ZNF385D: variants seen among roughly 807,000 people sequenced by gnomAD.
ZNF385D encodes zinc finger protein 385D, also known as zinc finger protein 659.
A neutral mutation model predicts 35.8 loss-of-function variants in ZNF385D; 15 were observed. The ratio of observed to expected loss-of-function variants is 0.42; its 90% CI spans 0.28 to 0.64. ZNF385D has a LOEUF of 0.64. ZNF385D is among the 30% of genes least tolerant of loss of function. The pLI, the probability that ZNF385D is intolerant of heterozygous loss-of-function variation, is 0.23. For missense variants in ZNF385D, 474 were observed against 494.6 expected (o/e 0.96, Z 0.39); for synonymous variants, 212 against 186.8 (o/e 1.13, Z -1.10).
intron 2 of ZNF385D, among the ~76,000 whole-genome samples, chr3:21,608,727 C>G (rs1272464505): frequency 1.2e-4 from 19 of 152,128 alleles, no homozygotes; most frequent in Admixed American, 1.2e-3. Flanking sequence ...CTAGATAAAG[C>G]TTGATTTTTG....
chr3:22,354,984 C>A (rs1696083475), intron 2 of ZNF385D, among the ~76,000 whole-genome samples: 2 of 151,906 alleles, frequency 1.3e-5, no homozygotes, highest in African/African-American at 4.8e-5. Flanking sequence ...TTCTACTGAA[C>A]AACATTGTTT....
intron 3 of ZNF385D, among the ~76,000 whole-genome samples, chr3:21,527,068 T>C (rs182615029): frequency 7.3e-4 from 111 of 152,292 alleles, no homozygotes; most frequent in Non-Finnish European, 1.3e-3. Flanking sequence ...ATCTTAAAAG[T>C]ACAAATAAGG....
chr3:21,771,316 T>G (rs910165957), intron 3 of ZNF385D, among the ~76,000 whole-genome samples: 1 of 149,900 alleles, frequency 6.7e-6, no homozygotes, highest in Non-Finnish European at 1.5e-5. Flanking sequence ...CCTAAAACAA[T>G]CAACAAAACA....
chr3:22,137,011 C>A (rs945591292), intron 3 of ZNF385D, among the ~76,000 whole-genome samples: 78 of 152,188 alleles, frequency 5.1e-4, no homozygotes, highest in African/African-American at 1.7e-3. Context: ...GGATATATAT[C>A]ATTTAGCATT....
chr3:21,561,102 G>T (rs762019563), intron 3 of ZNF385D, among the ~76,000 whole-genome samples: 1 of 152,178 alleles, frequency 6.6e-6, no homozygotes, highest in Non-Finnish European at 1.5e-5. Flanking sequence ...TGGGACCCCC[G>T]AGCCAGACCA....
At chr3:21,992,490 C>G (rs1048557534) in intron 3 of ZNF385D, among the ~76,000 whole-genome samples, 17 of 152,202 alleles carry the variant, frequency 1.1e-4, no homozygotes, top group Non-Finnish European at 1.8e-4. Flanking sequence ...TTCAACTCTT[C>G]CCGTGGTGCA....
intron 3 of ZNF385D, among the ~76,000 whole-genome samples, chr3:21,760,413 A>C (rs1446425438): frequency 6.6e-6 from 1 of 152,200 alleles, no homozygotes; most frequent in Non-Finnish European, 1.5e-5. Context: ...AATGCTACCC[A>C]TAGCCTCTTA....
intron 1 of ZNF385D, among the ~76,000 whole-genome samples, chr3:21,710,627 C>T (rs73046208): frequency 0.05 from 7,559 of 152,206 alleles, 344 homozygotes; most frequent in African/African-American, 0.13. Context: ...TTTACTTATA[C>T]TCATGCATGT....
rs555003900 is a variant in ZNF385D at position 21,972,828 on chromosome 3, G to A, written c.325+195989C>T. Among the ~76,000 whole-genome samples the A allele has an allele frequency of 2.6e-5, 4 of 151,886 alleles. No individual in the cohort carries two copies. The South Asian group carries it at 8.3e-4, about 32-fold the overall frequency. ...TGCCAATAAATTGGAAAACGTAAAAGAATAAATTCCTAGACACACAATCTA... is the reference window on the plus strand; with the variant it reads ...TGCCAATAAATTGGAAAACGTAAAAAAATAAATTCCTAGACACACAATCTA... On this transcript the variant is annotated intron_variant, in intron 3 of 5. Coordinates refer to the ZNF385D transcript ENST00000494108.
At chr3:21,559,187 G>A (rs530256512) in intron 3 of ZNF385D, among the ~76,000 whole-genome samples, 157 of 152,172 alleles carry the variant, frequency 1.0e-3, no homozygotes, top group Non-Finnish European at 2.0e-3. Context: ...ATATTGTTAT[G>A]TGTGAATTTG....
intron 1 of ZNF385D, among the ~76,000 whole-genome samples, chr3:21,711,011 A>G (rs1194896976): frequency 8.2e-6 from 1 of 122,314 alleles, no homozygotes; most frequent in Non-Finnish European, 1.7e-5. Context: ...AAACCTCTCT[A>G]GGTCTTAATT....
intron 2 of ZNF385D, among the ~76,000 whole-genome samples, chr3:22,187,583 A>G (rs1460474677): frequency 6.6e-6 from 1 of 152,184 alleles, no homozygotes; most frequent in Non-Finnish European, 1.5e-5. Flanking sequence ...GTTAGTGAAG[A>G]AACCAGAAGG....
At chr3:21,613,167 G>A (rs2064738604) in intron 2 of ZNF385D, among the ~76,000 whole-genome samples, 1 of 151,762 alleles carries the variant, frequency 6.6e-6, no homozygotes, top group East Asian at 1.9e-4. Context: ...AACAGCATGG[G>A]TAACATCAAA....
At chr3:22,004,901 G>C (rs866345401) in intron 3 of ZNF385D, among the ~76,000 whole-genome samples, 6 of 151,834 alleles carry the variant, frequency 4.0e-5, no homozygotes, top group Admixed American at 2.0e-4. Context: ...GTAAAACCAA[G>C]CTGTGCCCTG....
chr3:22,227,053 C>T (rs569934084), intron 2 of ZNF385D, among the ~76,000 whole-genome samples: 1 of 152,310 alleles, frequency 6.6e-6, no homozygotes, highest in East Asian at 1.9e-4. Flanking sequence ...TGCACATTCT[C>T]AGGCCCAAGC....
At chr3:21,971,278 A>G (rs748448789) in intron 3 of ZNF385D, among the ~76,000 whole-genome samples, 1 of 152,076 alleles carries the variant, frequency 6.6e-6, no homozygotes, top group Non-Finnish European at 1.5e-5. Context: ...AAGACATAGC[A>G]TAATAAATAA....
chr3:21,971,671 C>A (rs1703266296), intron 3 of ZNF385D, among the ~76,000 whole-genome samples: 1 of 150,478 alleles, frequency 6.6e-6, no homozygotes, highest in African/African-American at 2.4e-5. Context: ...CATAGACTAG[C>A]TGAATGAATA....
chr3:21,781,860 G>T (rs148272468), intron 3 of ZNF385D, among the ~76,000 whole-genome samples: 1 of 151,964 alleles, frequency 6.6e-6, no homozygotes, highest in Non-Finnish European at 1.5e-5. Flanking sequence ...TCTAGCAATG[G>T]CATTCAACCC....
At chr3:21,680,384 A>G (rs1056524410) in intron 1 of ZNF385D, among the ~76,000 whole-genome samples, 17 of 152,032 alleles carry the variant, frequency 1.1e-4, no homozygotes, top group Non-Finnish European at 2.4e-4. Context: ...TGGAATCATC[A>G]TTTTCTCTTA....
Sources: allele counts gnomAD v4.1 joint callset (sites outside exome capture counted in the v4.1 genomes callset), GRCh38; gene constraint gnomAD v4.1.1; transcripts MANE v1.5; gene names NCBI Gene and HGNC (gene_info 2026-07-23, HGNC 2026-07-21).